Variants in NTRK2 observed in about 807,000 individuals in gnomAD.
NTRK2 encodes the protein BDNF/NT-3 growth factors receptor.
Under a neutral mutation model 94.5 loss-of-function variants are expected in NTRK2, and 13 were observed. The observed-to-expected ratio is 0.14, with a 90% CI of 0.09 to 0.22. The LOEUF (loss-of-function observed/expected upper bound fraction) is 0.22. Among genes scored for constraint, NTRK2 ranks in the 10% least tolerant of loss-of-function variants. The probability of loss-of-function intolerance (pLI) is 1.00; values close to 1 mark genes in which losing one functional copy is unlikely to be tolerated. For missense variants in NTRK2, 639 were observed against 1,071.2 expected (o/e 0.60, Z 5.63); for synonymous variants, 372 against 407.4 (o/e 0.91, Z 1.05).
intron 17 of NTRK2, among the ~76,000 whole-genome samples, chr9:85,003,846 C>T (rs1830585164): frequency 6.6e-6 from 1 of 150,434 alleles, no homozygotes; most frequent in Non-Finnish European, 1.5e-5. Flanking sequence ...ATATGTTCTG[C>T]AGGTAGGGCT....
intron 12 of NTRK2, among the ~76,000 whole-genome samples, chr9:84,774,662 CT>C (rs1162898439): frequency 3.9e-5 from 6 of 152,186 alleles, no homozygotes; most frequent in Non-Finnish European, 8.8e-5. Context: ...GCAAATGGAG[CT>C]TTCCATAGCC....
At chr9:84,950,987 C>T (rs1157179098) in intron 16 of NTRK2, among the ~76,000 whole-genome samples, 1 of 152,162 alleles carries the variant, frequency 6.6e-6, no homozygotes, top group African/African-American at 2.4e-5. Flanking sequence ...CCCCAGTAAG[C>T]TTCATGTATC....
At chr9:84,767,260 A>C (rs1036602866) in intron 12 of NTRK2, among the ~76,000 whole-genome samples, 6 of 152,170 alleles carry the variant, frequency 3.9e-5, no homozygotes, top group Non-Finnish European at 5.9e-5. Context: ...CAGCTGATGC[A>C]TTTTCAGAGT....
intron 17 of NTRK2, among the ~76,000 whole-genome samples, chr9:84,986,902 A>G (rs185098264): frequency 6.6e-6 from 1 of 152,358 alleles, no homozygotes; most frequent in Non-Finnish European, 1.5e-5. Flanking sequence ...TCTAGAAAAC[A>G]TGCAAAAGTA....
chr9:84,812,431 G>A lies in NTRK2; in HGVS notation c.1397-48609G>A, dbSNP rs148688080. 382 of 1,055,180 alleles carry A rather than the reference G, an allele frequency of 3.6e-4. No individual in the cohort carries two copies. The African/African-American group carries it at 5.8e-3, about 16-fold the overall frequency. The allele number at this position is 1,055,180 out of a possible 1,614,324, so 65.4% of individuals were successfully genotyped here. On this transcript the variant is annotated intron_variant, in intron 12 of 18. Coordinates refer to ENST00000277120, the MANE Select transcript of NTRK2 (RefSeq NM_006180.6). ...CCTCCTAACTCCATTTGAATGTAAG[G>A]GCAGCTGGCCCCCAATGTGGGGAGG...
At chr9:84,929,643 C>G (rs1446766393) in intron 14 of NTRK2, among the ~76,000 whole-genome samples, 1 of 151,898 alleles carries the variant, frequency 6.6e-6, no homozygotes, top group East Asian at 1.9e-4. Context: ...CTCACTGCAA[C>G]CTCTGCCTCC....
At chr9:84,811,012 A>G in intron 12 of NTRK2, 9 of 1,112,696 alleles carry the variant, frequency 8.1e-6, no homozygotes, top group Non-Finnish European at 9.9e-6. Context: ...GAACAGGTAT[A>G]AGTGCACACT....
At chr9:84,963,162 C>T (rs1294976610) in intron 17 of NTRK2, among the ~76,000 whole-genome samples, 1 of 152,126 alleles carries the variant, frequency 6.6e-6, no homozygotes, top group African/African-American at 2.4e-5. Context: ...TCCTGCACAC[C>T]TTTTTCCATC....
At chr9:84,821,477 TA>T (rs1291622661) in intron 12 of NTRK2, among the ~76,000 whole-genome samples, 1 of 152,206 alleles carries the variant, frequency 6.6e-6, no homozygotes, top group Non-Finnish European at 1.5e-5. Context: ...CAGCTCTTCT[TA>T]AAAAACTTTC....
At chr9:84,877,917 C>A in intron 14 of NTRK2, 1 of 1,017,772 alleles carries the variant, frequency 9.8e-7, no homozygotes, top group South Asian at 4.6e-5. Context: ...CTGTTGCCTA[C>A]TTTCGTCACC....
chr9:84,759,603 G>T (rs1165213424), intron 12 of NTRK2, among the ~76,000 whole-genome samples: 2 of 152,220 alleles, frequency 1.3e-5, no homozygotes, highest in African/African-American at 2.4e-5. Context: ...GTACTTAAAG[G>T]TCAGGAAATA....
At chr9:84,731,124 G>A (rs1449825093) in intron 9 of NTRK2, among the ~76,000 whole-genome samples, 1 of 152,094 alleles carries the variant, frequency 6.6e-6, no homozygotes, top group African/African-American at 2.4e-5. Flanking sequence ...TAGCGTATGT[G>A]CACCTCATTC....
chr9:84,795,075 G>A (rs985368046), intron 12 of NTRK2, among the ~76,000 whole-genome samples: 3 of 152,108 alleles, frequency 2.0e-5, no homozygotes, highest in Non-Finnish European at 4.4e-5. Flanking sequence ...TCATGTAGTC[G>A]TTTCCAGGTG....
intron 12 of NTRK2, among the ~76,000 whole-genome samples, chr9:84,803,076 C>A (rs186582133): frequency 5.1e-4 from 78 of 152,262 alleles, no homozygotes; most frequent in Non-Finnish European, 2.9e-5. Flanking sequence ...GCAGGATGAT[C>A]ACCATTTCAA....
chr9:84,684,617 T>C (rs1371686150), intron 2 of NTRK2, among the ~76,000 whole-genome samples: 1 of 152,262 alleles, frequency 6.6e-6, no homozygotes, highest in Admixed American at 6.5e-5. Context: ...AAACTGGGAG[T>C]GTCTGCTTTC....
intron 14 of NTRK2, among the ~76,000 whole-genome samples, chr9:84,901,470 G>A (rs2132401051): frequency 6.6e-6 from 1 of 152,092 alleles, no homozygotes; most frequent in East Asian, 1.9e-4. Context: ...CTGACCTCGT[G>A]ATCTGCCTGC....
chr9:84,917,179 G>A (rs2077419224), intron 14 of NTRK2, among the ~76,000 whole-genome samples: 1 of 152,202 alleles, frequency 6.6e-6, no homozygotes, highest in African/African-American at 2.4e-5. Flanking sequence ...GGTGTCAGGT[G>A]AGACAAACCA....
At chr9:84,727,317 A>G (rs2062535790) in intron 8 of NTRK2, among the ~76,000 whole-genome samples, 1 of 152,216 alleles carries the variant, frequency 6.6e-6, no homozygotes. Context: ...CAGATATTAG[A>G]AACCAAAGTC....
At chr9:84,702,093 G>C (rs1188404924) in intron 2 of NTRK2, 66 bp from the exon 3 acceptor site, 1 of 1,429,124 alleles carries the variant, frequency 7.0e-7, no homozygotes, top group Non-Finnish European at 9.8e-7. Flanking sequence ...GAGGTGGATG[G>C]GAGTTCTTCA....
Sources: allele counts gnomAD v4.1 joint callset (sites outside exome capture counted in the v4.1 genomes callset), GRCh38; gene constraint gnomAD v4.1.1; transcripts MANE v1.5; gene names NCBI Gene and HGNC (gene_info 2026-07-23, HGNC 2026-07-21).